Variants in SAP18 observed in about 807,000 individuals in gnomAD.
SAP18 encodes the protein Sin3A associated protein 18, also known as histone deacetylase complex subunit SAP18.
In SAP18, 4 loss-of-function variants were observed where a neutral mutation model predicts 18.6. The ratio of observed to expected loss-of-function variants is 0.21; its 90% confidence interval spans 0.11 to 0.49. The LOEUF (loss-of-function observed/expected upper bound fraction) is 0.49. SAP18 is among the 20% of genes least tolerant of loss of function. The pLI, the probability that SAP18 is intolerant of heterozygous loss-of-function variation, is 0.98. For synonymous variants in SAP18, 112 were observed against 82.8 expected, an observed-to-expected ratio of 1.35 and a Z score of -1.92; for missense variants, 170 against 226.4, an observed-to-expected ratio of 0.75 and a Z score of 1.60.
chr13:21,146,926 C>G, exon 3 of SAP18: 1 of 1,604,144 alleles, frequency 6.2e-7, no homozygotes, highest in Non-Finnish European at 8.5e-7. Context: ...ACCTGGCTAT[C>G]GGTAGGTAAC....
chr13:21,145,730 C>T (rs1869627606), intron 2 of SAP18, among the ~76,000 whole-genome samples: 3 of 152,216 alleles, frequency 2.0e-5, no homozygotes, highest in Non-Finnish European at 4.4e-5. Context: ...CCAGGCTGCT[C>T]TCGAACTTGA....
chr13:21,140,518 G>A lies in SAP18; in HGVS notation c.-35G>A, dbSNP rs769582269. The stretch of plus-strand genomic sequence containing the variant: ...CGCCCAGCCCCTGGCCGACTATAAA[G>A]TGTCGAGCTTCTCCTCGCGAGAGAC... On this transcript the variant is annotated 5_prime_UTR_variant, in exon 1 of 4. In the 5' UTR this introduces an upstream ATG that the reference lacks. Coordinates refer to ENST00000621421, the Ensembl canonical transcript of SAP18. 6.4e-6 allele frequency: 10 copies of A among 1,554,592 alleles called. No individual in the cohort carries two copies. The highest frequency in any genetic ancestry group is 2.0e-5 in the Admixed American group (1 of 51,256).
chr13:21,145,702 G>A lies in SAP18; in HGVS notation c.240-1103G>A, dbSNP rs1163453211. 4.6e-5 allele frequency among the ~76,000 whole-genome samples: 7 copies of A among 152,086 alleles called. No individual in the cohort carries two copies. The East Asian group carries it at 1.2e-3, about 25-fold the overall frequency. ...TAATTTTTGGATTTTTAGTAGAAAC[G>A]GGGTTTCACCATGTTGGCCAGGCTG... On this transcript the variant is annotated intron_variant, in intron 2 of 3. Transcript: ENST00000621421.
At chr13:21,142,014 CGGT>C (rs1869486018) in intron 2 of SAP18, among the ~76,000 whole-genome samples, 1 of 147,762 alleles carries the variant, frequency 6.8e-6, no homozygotes, top group African/African-American at 2.5e-5. Context: ...AAGCCAGGCA[CGGT>C]GGCTTATGCC....
chr13:21,144,860 C>G (rs1869591625), intron 2 of SAP18, among the ~76,000 whole-genome samples: 1 of 151,984 alleles, frequency 6.6e-6, no homozygotes, highest in Non-Finnish European at 1.5e-5. Flanking sequence ...ATATAAATCC[C>G]CCAAATTAAT....
exon 1 of SAP18, chr13:21,140,539 G>C (rs200936744): frequency 6.4e-7 from 1 of 1,574,124 alleles, no homozygotes; most frequent in East Asian, 2.4e-5. Context: ...CTCCTCGCGA[G>C]AGACTTAGTG....
At chr13:21,142,296 ATGTG>A (rs1045731199) in intron 2 of SAP18, among the ~76,000 whole-genome samples, 1 of 150,712 alleles carries the variant, frequency 6.6e-6, no homozygotes, top group African/African-American at 2.4e-5. Flanking sequence ...CAAAATATAT[ATGTG>A]TGTGCCTATA....
intron 2 of SAP18, among the ~76,000 whole-genome samples, chr13:21,145,521 T>C (rs1005881119): frequency 1.3e-5 from 2 of 152,038 alleles, no homozygotes; most frequent in Non-Finnish European, 2.9e-5. Context: ...GTTTTTTTGT[T>C]TTTGAGACAG....
chr13:21,143,090 A>G (rs1869527860), intron 2 of SAP18, among the ~76,000 whole-genome samples: 1 of 152,152 alleles, frequency 6.6e-6, no homozygotes, highest in African/African-American at 2.4e-5. Flanking sequence ...ATTTCATTGT[A>G]TGTGTGCATC....
At chr13:21,140,234 G>A (rs1869391195), upstream of SAP18, among the ~76,000 whole-genome samples, 1 of 152,176 alleles carries the variant, frequency 6.6e-6, no homozygotes, top group Non-Finnish European at 1.5e-5. Context: ...TCATCAGAAA[G>A]ATCTATATTT....
rs1054687487 is a variant in SAP18, at chr13:21,144,567, G to C, written c.240-2238G>C. On this transcript the variant is annotated intron_variant, in intron 2 of 3. Coordinates refer to ENST00000621421, the Ensembl canonical transcript of SAP18. ...CAACTAATAGAATCAGGCCTCCCCA[G>C]ATTATATAGGATAGACCTCTGAATT... Among the ~76,000 whole-genome samples, 52 of 152,104 alleles carry C rather than the reference G, an allele frequency of 3.4e-4. 1 individual carries two copies. The highest frequency in any genetic ancestry group is 3.3e-3 in the Admixed American group (50 of 15,258).
chr13:21,146,237 C>T (rs890852674), intron 2 of SAP18, among the ~76,000 whole-genome samples: 3 of 152,138 alleles, frequency 2.0e-5, no homozygotes, highest in African/African-American at 2.4e-5. Context: ...ATCCCAGCTA[C>T]TCAGGAGGCT....
intron 1 of SAP18, 47 bp from the exon 2 acceptor site, chr13:21,140,839 C>T (rs143313767): frequency 4.9e-5 from 77 of 1,570,952 alleles, no homozygotes; most frequent in Non-Finnish European, 6.7e-5. Context: ...TCCGGGTTCG[C>T]AGCTGGTGTT....
chr13:21,146,716 T>C, intron 2 of SAP18, 89 bp from the exon 3 acceptor site: 1 of 1,012,332 alleles, frequency 9.9e-7, no homozygotes, highest in Non-Finnish European at 1.4e-6. Flanking sequence ...ACAACTCAGA[T>C]ATATGTAATT....
At chr13:21,141,479 A>G in intron 2 of SAP18, 1 of 172,984 alleles carries the variant, frequency 5.8e-6, no homozygotes, top group South Asian at 1.1e-4. Context: ...TTTCTTCTCT[A>G]AGGGTTATTG....
At chr13:21,143,885 A>G (rs191191700) in intron 2 of SAP18, among the ~76,000 whole-genome samples, 93 of 152,346 alleles carry the variant, frequency 6.1e-4, no homozygotes, top group Admixed American at 7.2e-4. Flanking sequence ...GTATGGGGGT[A>G]ACACAAAGGC....
chr13:21,147,087 T>C lies in SAP18; in HGVS notation c.363-99T>C, dbSNP rs191571689. 6.2e-4 allele frequency: 899 copies of C among 1,455,242 alleles called. 2 individuals are homozygous for C. In the African/African-American group the frequency reaches 0.012, roughly 19 times the overall value. The allele number at this position is 1,455,242 out of a possible 1,614,324, so 90.1% of individuals were successfully genotyped here. Reference sequence around the variant, plus strand: ...AAGTAGTTAAATTTTGGAAGTGTGTTATAAAATGATGGAGAAAATCCAGTG... The same window carrying C: ...AAGTAGTTAAATTTTGGAAGTGTGTCATAAAATGATGGAGAAAATCCAGTG... On this transcript the variant is annotated intron_variant, in intron 3 of 3. Transcript: ENST00000621421.
Position 21,146,955 on chromosome 13 carries a change from G to A in SAP18, c.362+28G>A, listed in dbSNP as rs371742897. 6.1e-5 allele frequency: 97 copies of A among 1,587,966 alleles called. 1 individual carries two copies. The highest frequency in any genetic ancestry group is 7.9e-5 in the Non-Finnish European group (93 of 1,171,238). ...AGGTAACTTCTCATTTTTAAGTCCT[G>A]TAATCTCTTTGTTTTTAGTATGTTT... On this transcript the variant is annotated intron_variant, in intron 3 of 3. Coordinates refer to ENST00000621421, the Ensembl canonical transcript of SAP18.
intron 2 of SAP18, among the ~76,000 whole-genome samples, chr13:21,145,042 T>C (rs537761289): frequency 6.6e-6 from 1 of 151,532 alleles, no homozygotes; most frequent in African/African-American, 2.4e-5. Flanking sequence ...CGGTGGAAAA[T>C]TGCACACATA....
Sources: allele counts gnomAD v4.1 joint callset (sites outside exome capture counted in the v4.1 genomes callset), GRCh38; gene constraint gnomAD v4.1.1; transcripts MANE v1.5; gene names NCBI Gene and HGNC (gene_info 2026-07-23, HGNC 2026-07-21).